Variants in AKAP17A observed in about 807,000 individuals in gnomAD.
The protein encoded by AKAP17A is A-kinase anchor protein 17A.
A neutral mutation model predicts 52.2 loss-of-function variants in AKAP17A; 15 were observed. The ratio of observed to expected loss-of-function variants is 0.29; its 90% confidence interval spans 0.19 to 0.44. The LOEUF is 0.44. Among genes scored for constraint, AKAP17A ranks in the 20% least tolerant of loss-of-function variants. The pLI is 1.00. For missense variants in AKAP17A, 1,060 were observed against 1,007.0 expected (o/e 1.05, Z -0.71); for synonymous variants, 514 against 424.7 (o/e 1.21, Z -2.58).
At chrX:1,598,192 G>A (rs1445600794) in intron 3 of AKAP17A, among the ~76,000 whole-genome samples, 3 of 150,788 alleles carry the variant, frequency 2.0e-5, no homozygotes, top group Non-Finnish European at 2.9e-5. Flanking sequence ...TCGTGGGGCG[G>A]TGACAGCTCA....
intron 3 of AKAP17A, among the ~76,000 whole-genome samples, chrX:1,598,384 G>C (rs1315325510): frequency 1.3e-5 from 2 of 152,128 alleles, no homozygotes; most frequent in African/African-American, 2.4e-5. Flanking sequence ...TCTCCCCTTG[G>C]TGTCTGCGTG....
intron 3 of AKAP17A, among the ~76,000 whole-genome samples, chrX:1,597,382 C>T (rs1933059935): frequency 6.6e-6 from 1 of 152,170 alleles, no homozygotes; most frequent in Non-Finnish European, 1.5e-5. Flanking sequence ...GGACCTAAGG[C>T]AGGCAGCACA....
chrX:1,599,503 G>C, intron 4 of AKAP17A, 71 bp downstream of exon 4: 1 of 1,548,980 alleles, frequency 6.5e-7, no homozygotes. Flanking sequence ...CTGAAATGCG[G>C]GCGGCGTCAC....
Position 1,601,284 on chromosome X carries a change from A to T in AKAP17A, c.1778A>T (p.Asp593Val). The change falls in exon 5 of 5, where the codon GAC becomes GTC. Residue 593 changes from aspartate to valine, a missense_variant. Asp to Val is a radical substitution (Grantham distance 152). This residue lies in a region of AKAP17A where 793 missense variants were observed against 629.9 expected (regional missense o/e 1.26). Coordinates refer to ENST00000313871, the MANE Select transcript of AKAP17A (RefSeq NM_005088.3). Reference protein sequence around the residue: ...PSKGRGRATGDGLADRHKRER... With the variant: ...PSKGRGRATGVGLADRHKRER... ...AAGGGCCGGGGCCGGGCCACCGGAG[A>T]CGGGCTTGCTGACCGGCACAAGCGG... 2 of 1,611,714 alleles carry T rather than the reference A, an allele frequency of 1.2e-6. No homozygotes were observed. The highest frequency in any genetic ancestry group is 2.2e-5 in the East Asian group (1 of 44,840).
intron 2 of AKAP17A, 134 bp downstream of exon 2, chrX:1,594,358 C>G: frequency 2.8e-6 from 3 of 1,063,756 alleles, no homozygotes; most frequent in Non-Finnish European, 3.9e-6. Flanking sequence ...CAGCAACAGT[C>G]CTGTGCCTGT....
rs1253652662 is a variant in AKAP17A at position 1,593,629 on chromosome X, A to G, written c.167A>G (p.Lys56Arg). ...ISNWEVMERL[K>R]GMVQNHQFST... ...AACTGGGAGGTGATGGAGAGGCTGAAGGGCATGGTGCAGAACCACCAGTTC... is the reference window on the plus strand; with the variant it reads ...AACTGGGAGGTGATGGAGAGGCTGAGGGGCATGGTGCAGAACCACCAGTTC... Residue 56 changes from lysine to arginine, a missense_variant, in exon 2 of 5, where the codon AAG becomes AGG. This residue lies in a region of AKAP17A where 267 missense variants were observed against 377.1 expected (regional missense o/e 0.71). Coordinates refer to ENST00000313871, the MANE Select transcript of AKAP17A (RefSeq NM_005088.3). 6.2e-7 allele frequency: 1 copy of G among 1,613,852 alleles called. No homozygotes were observed.
At chrX:1,596,432 TC>T (rs1229216119) in intron 3 of AKAP17A, among the ~76,000 whole-genome samples, 11 of 110,482 alleles carry the variant, frequency 1.0e-4, no homozygotes, top group African/African-American at 3.4e-4. Context: ...GGAATCCTCC[TC>T]CTCCTCCTCC....
chrX:1,598,550 G>C (rs1443401631), intron 3 of AKAP17A, among the ~76,000 whole-genome samples: 16 of 152,116 alleles, frequency 1.1e-4, no homozygotes, highest in African/African-American at 3.9e-4. Flanking sequence ...GAGAGCTGCG[G>C]GGCGGGGGAG....
chrX:1,595,283 G>C, intron 2 of AKAP17A, 101 bp from the exon 3 acceptor site: 2 of 1,531,014 alleles, frequency 1.3e-6, no homozygotes, highest in Admixed American at 1.9e-5. Context: ...GGGCGCTCAG[G>C]CTCTGAGGCC....
At position 1,600,997 on chromosome X, in the gene AKAP17A, G is replaced by A. The variant is rs1933340400; in HGVS notation, c.1491G>A (p.Lys497=). The change falls in exon 5 of 5, where the codon AAG becomes AAA. Residue 497 remains lysine, a synonymous_variant. Transcript: ENST00000313871. ...GCCAGCCCCCGGCCGGTGCCCCCAA[G>A]GAGAGCCCGGCCCACCCAGAGGCCG... ...LGGQPPAGAP[K]ESPAHPEADG... The A allele has an allele frequency of 1.2e-6, 2 of 1,604,000 alleles. No individual in the cohort carries two copies. The highest frequency in any genetic ancestry group is 1.7e-5 in the Admixed American group (1 of 58,506).
chrX:1,598,198 G>A (rs1933120808), intron 3 of AKAP17A, among the ~76,000 whole-genome samples: 1 of 151,324 alleles, frequency 6.6e-6, no homozygotes, highest in Admixed American at 6.5e-5. Flanking sequence ...GGCGGTGACA[G>A]CTCACAGGGC....
chrX:1,597,179 A>C (rs1457670847), intron 3 of AKAP17A, among the ~76,000 whole-genome samples: 1 of 152,134 alleles, frequency 6.6e-6, no homozygotes, highest in East Asian at 1.9e-4. Flanking sequence ...GAGTCCCGGC[A>C]CTGAACTCCT....
At chrX:1,595,270 A>T in intron 2 of AKAP17A, 114 bp from the exon 3 acceptor site, 1 of 1,364,962 alleles carries the variant, frequency 7.3e-7, no homozygotes, top group Non-Finnish European at 1.0e-6. Context: ...GTGAGCGGTG[A>T]GCGGGCGCTC....
Position 1,599,182 on chromosome X carries a change from T to A in AKAP17A, c.912-10T>A. On this transcript the variant is annotated splice_polypyrimidine_tract_variant and intron_variant, in intron 3 of 4. Transcript: ENST00000313871. The stretch of plus-strand genomic sequence containing the variant: ...GCTCTCTGTGACCACCCCCGGTGTG[T>A]TCCACACAGGAAACAAAAGGAGCTG... 6.2e-7 allele frequency: 1 copy of A among 1,611,212 alleles called. No individual in the cohort carries two copies. Among genetic ancestry groups the A allele is most frequent in the Non-Finnish European group, 8.5e-7 (1 of 1,179,530 alleles).
intron 4 of AKAP17A, 25 bp downstream of exon 4, chrX:1,599,457 C>T (rs774253437): frequency 2.7e-5 from 42 of 1,553,190 alleles, no homozygotes; most frequent in Admixed American, 5.9e-5. Flanking sequence ...CCTCTGCAGC[C>T]GCCAGCCGCG....
Position 1,593,428 on chromosome X carries a change from G to C in AKAP17A, c.-19-16G>C. 3 of 1,591,514 alleles carry C rather than the reference G, an allele frequency of 1.9e-6. No homozygotes were observed. Among genetic ancestry groups the C allele is most frequent in the Non-Finnish European group, 1.7e-6 (2 of 1,166,674 alleles). ...TGGGGGGTGCTGGTGCTGACTGTCT[G>C]CGTCTTATGTTTCAGGCCCAAGGTC... On this transcript the variant is annotated splice_polypyrimidine_tract_variant and intron_variant, in intron 1 of 4. Transcript: ENST00000313871.
At position 1,601,087 on chromosome X, in the gene AKAP17A, C is replaced by T. The variant is rs1248402493; in HGVS notation, c.1581C>T (p.Ser527=). 4.3e-6 allele frequency: 7 copies of T among 1,613,648 alleles called. No individual in the cohort carries two copies. The East Asian group carries it at 6.7e-5, about 15-fold the overall frequency. Residue 527 remains serine (S), a synonymous_variant, in exon 5 of 5, where the codon AGC becomes AGT. Coordinates refer to ENST00000313871, the MANE Select transcript of AKAP17A (RefSeq NM_005088.3). ...AGGCCCCATGCAAGGAGGTTCAGAG[C>T]TCCTGTCGTGTGGTCCCCGAGGATG... ...AEEAPCKEVQ[S]SCRVVPEDGS...
intron 3 of AKAP17A, among the ~76,000 whole-genome samples, chrX:1,596,060 G>A (rs1484663054): frequency 3.3e-5 from 5 of 152,010 alleles, no homozygotes; most frequent in Non-Finnish European, 5.9e-5. Flanking sequence ...GATCTCTGCC[G>A]GCTCCCAGGA....
At chrX:1,595,851 C>T (rs1367125358) in intron 3 of AKAP17A, among the ~76,000 whole-genome samples, 6 of 151,488 alleles carry the variant, frequency 4.0e-5, no homozygotes, top group Admixed American at 1.3e-4. Context: ...GCTTCTGTAT[C>T]GGCACATAGC....
Sources: gnomAD v4.1 joint callset for allele counts (sites outside exome capture counted in the v4.1 genomes callset) on GRCh38, gnomAD v4.1.1 for gene constraint, gnomAD v4.1.1 regional missense constraint, MANE v1.5 for transcripts, NCBI Gene and HGNC (gene_info 2026-07-23, HGNC 2026-07-21) for gene names.